The following CHD7 variants were observed in gnomAD, a reference collection of about 807,000 sequenced individuals.
CHD7 encodes the protein ATP-dependent chromatin remodeler CHD7.
In CHD7, 24 loss-of-function variants were observed where a neutral mutation model predicts 307.3. The observed-to-expected ratio is 0.08, with a 90% CI of 0.06 to 0.11. CHD7 has a LOEUF of 0.11. CHD7 is among the 10% of genes least tolerant of loss of function. CHD7 has a pLI of 1.00. For missense variants in CHD7, 3,106 were observed against 3,727.1 expected, an observed-to-expected ratio of 0.83 and a Z score of 4.34; for synonymous variants, 1,363 against 1,349.9, an observed-to-expected ratio of 1.01 and a Z score of -0.21.
At chr8:60,838,284 T>C in intron 19 of CHD7, 29 bp downstream of exon 19, 2 of 1,581,374 alleles carry the variant, frequency 1.3e-6, no homozygotes, top group Non-Finnish European at 1.7e-6. Flanking sequence ...AGGCCAGGTT[T>C]TCCATAGAAG....
intron 21 of CHD7, among the ~76,000 whole-genome samples, chr8:60,842,980 C>G (rs764269351): frequency 2.0e-5 from 3 of 152,196 alleles, no homozygotes; most frequent in Non-Finnish European, 2.9e-5. Context: ...CTTGCACCTC[C>G]GCTGGGAGGT....
At chr8:60,715,172 A>G (rs1807527965) in intron 1 of CHD7, among the ~76,000 whole-genome samples, 1 of 152,220 alleles carries the variant, frequency 6.6e-6, no homozygotes, top group Non-Finnish European at 1.5e-5. Context: ...GAGACCGATG[A>G]GAGTGAAGAA....
chr8:60,722,150 C>A (rs1807939225), intron 1 of CHD7, among the ~76,000 whole-genome samples: 1 of 152,194 alleles, frequency 6.6e-6, no homozygotes, highest in African/African-American at 2.4e-5. Flanking sequence ...CTTTTCTCTG[C>A]AATCCCCACA....
At chr8:60,795,722 A>G (rs555570156) in intron 4 of CHD7, among the ~76,000 whole-genome samples, 1 of 152,206 alleles carries the variant, frequency 6.6e-6, no homozygotes, top group Non-Finnish European at 1.5e-5. Context: ...CCCTGAAGTA[A>G]ACGTGAGGAA....
chr8:60,714,852 G>A (rs1251853852), intron 1 of CHD7, among the ~76,000 whole-genome samples: 1 of 152,242 alleles, frequency 6.6e-6, no homozygotes, highest in Non-Finnish European at 1.5e-5. Flanking sequence ...GGGGAAAAGG[G>A]GATGGTAATG....
chr8:60,721,634 A>G (rs1353262803), intron 1 of CHD7, among the ~76,000 whole-genome samples: 1 of 152,202 alleles, frequency 6.6e-6, no homozygotes, highest in African/African-American at 2.4e-5. Context: ...CAAGAATTTC[A>G]GATTTAGGAT....
chr8:60,856,708 T>G lies in CHD7; in HGVS notation c.7428T>G (p.Asp2476Glu). 1 of 1,614,062 alleles carries G rather than the reference T, an allele frequency of 6.2e-7. No homozygotes were observed. Among genetic ancestry groups the G allele is most frequent in the Non-Finnish European group, 8.5e-7 (1 of 1,179,900 alleles). Reference sequence around the variant, plus strand: ...CTAATGTCTCAACACCAGTGTCTGATGCCTTTAAGACTCAAATGGAACTGC... The same window carrying G: ...CTAATGTCTCAACACCAGTGTCTGAGGCCTTTAAGACTCAAATGGAACTGC... ...ILPNVSTPVS[D>E]AFKTQMELLQ... is the part of the protein sequence containing the mutation. The change falls in exon 34 of 38, where the codon GAT becomes GAG. Residue 2476 changes from aspartate (D) to glutamate (E), a missense_variant. By Grantham distance (45) the Asp-to-Glu change is conservative (BLOSUM62 2). Transcript: ENST00000423902.
intron 2 of CHD7, among the ~76,000 whole-genome samples, chr8:60,780,236 A>G (rs1306051667): frequency 6.6e-6 from 1 of 151,762 alleles, no homozygotes; most frequent in Non-Finnish European, 1.5e-5. Context: ...TTATTTTTCT[A>G]CTCTATTTAA....
At position 60,865,648 on chromosome 8, in the gene CHD7, C is replaced by A. The variant is rs748057667; in HGVS notation, c.8709C>A (p.Phe2903Leu). Reference protein sequence around the residue: ...FLLSTMAPGLFYPSMFLPPGL... With the variant: ...FLLSTMAPGLLYPSMFLPPGL... ...TGTCCACAATGGCCCCGGGCCTCTT[C>A]TACCCATCCATGTTTCTACCTCCAG... is the stretch of plus-strand genomic sequence containing the variant. Residue 2903 changes from phenylalanine (F) to leucine (L), a missense_variant, in exon 38 of 38, where the codon TTC becomes TTA. Around this residue, in one of 10 missense-constraint regions of CHD7, gnomAD observed 351 missense variants for 366.2 expected, o/e 0.96. Coordinates refer to ENST00000423902, the MANE Select transcript of CHD7 (RefSeq NM_017780.4). This position sits in a 1 kb window ranked among gnomAD's most constrained non-coding sequence, Gnocchi z 4.3. The A allele has an allele frequency of 1.9e-6, 3 of 1,610,052 alleles. No individual in the cohort carries two copies. The highest frequency in any genetic ancestry group is 1.7e-5 in the Admixed American group (1 of 59,846).
intron 23 of CHD7, among the ~76,000 whole-genome samples, chr8:60,847,277 T>C (rs1016366366): frequency 6.6e-6 from 1 of 152,136 alleles, no homozygotes; most frequent in Non-Finnish European, 1.5e-5. Flanking sequence ...CTAGTTGTTA[T>C]TTTGAAGTTT....
At position 60,830,597 on chromosome 8, in the gene CHD7, GA is replaced by G; in HGVS notation, c.3778+22del. The G allele has an allele frequency of 6.2e-7, 1 of 1,607,326 alleles. No individual in the cohort carries two copies. The highest frequency in any genetic ancestry group is 8.5e-7 in the Non-Finnish European group (1 of 1,175,132). On this transcript the variant is annotated intron_variant, in intron 15 of 37. Coordinates refer to ENST00000423902, the MANE Select transcript of CHD7 (RefSeq NM_017780.4). The stretch of plus-strand genomic sequence containing the variant: ...TCAATGGTAAGGCTGCCCTGCTCGC[GA>G]ACTTGCTTAAGTGACGATTGAAGCA...
At chr8:60,698,149 A>G (rs1806576563) in intron 1 of CHD7, among the ~76,000 whole-genome samples, 2 of 152,262 alleles carry the variant, frequency 1.3e-5, no homozygotes, top group Non-Finnish European at 2.9e-5. Context: ...ATACATTCTA[A>G]GCTTCACTAG....
intron 2 of CHD7, among the ~76,000 whole-genome samples, chr8:60,780,295 C>T (rs1417637134): frequency 1.3e-5 from 2 of 152,144 alleles, no homozygotes; most frequent in Non-Finnish European, 2.9e-5. Flanking sequence ...CTCCCAAAGG[C>T]ATGTCACATT....
intron 1 of CHD7, 24 bp downstream of exon 1, chr8:60,679,106 G>A (rs1029462434): frequency 6.4e-6 from 1 of 157,398 alleles, no homozygotes; most frequent in Non-Finnish European, 1.4e-5. Context: ...TTCGCCCGGC[G>A]CCCCCGGGAG....
At chr8:60,713,049 CAAAAAAAA>C (rs373922396) in intron 1 of CHD7, among the ~76,000 whole-genome samples, 1 of 102,160 alleles carries the variant, frequency 9.8e-6, no homozygotes, top group African/African-American at 3.9e-5. Context: ...AACTCTGTCT[CAAAAAAAA>C]AAAAAAAAAA....
At chr8:60,862,688 C>A in intron 37 of CHD7, 36 bp downstream of exon 37, 1 of 1,360,770 alleles carries the variant, frequency 7.3e-7, no homozygotes, top group Non-Finnish European at 1.0e-6. Context: ...AGAAAGGTAG[C>A]TATACAAAAC....
chr8:60,844,247 C>A (rs1037953945), intron 21 of CHD7, among the ~76,000 whole-genome samples: 15 of 152,204 alleles, frequency 9.9e-5, no homozygotes, highest in African/African-American at 3.4e-4. Context: ...TGTCTTCTGT[C>A]CATAGTCGTT....
In CHD7 at chr8:60,678,873, G is replaced by C. The variant is rs989093061; in HGVS notation, c.-384G>C. On this transcript the variant is annotated 5_prime_UTR_variant, in exon 1 of 38. Coordinates refer to ENST00000423902, the MANE Select transcript of CHD7 (RefSeq NM_017780.4). ...GCTCGGGAACTATCGGATTAAACTT[G>C]AATCGAGTGAAATTACACAAAGGAG... 5.3e-5 allele frequency: 8 copies of C among 151,266 alleles called. No individual in the cohort carries two copies. The highest frequency in any genetic ancestry group is 1.5e-4 in the African/African-American group (6 of 41,078). The allele number at this position is 151,266 out of a possible 1,614,324, so 9.4% of individuals were successfully genotyped here.
At chr8:60,702,962 G>C (rs941672740) in intron 1 of CHD7, among the ~76,000 whole-genome samples, 3 of 152,320 alleles carry the variant, frequency 2.0e-5, no homozygotes, top group African/African-American at 7.2e-5. Flanking sequence ...TGGCAGAAAA[G>C]AAGGCCGCTC....
Sources: gnomAD v4.1 joint callset for allele counts (sites outside exome capture counted in the v4.1 genomes callset) on GRCh38, gnomAD v4.1.1 for gene constraint, gnomAD v4.1.1 regional missense constraint, Gnocchi (gnomAD v3.1) non-coding constraint, MANE v1.5 for transcripts, NCBI Gene and HGNC (gene_info 2026-07-23, HGNC 2026-07-21) for gene names.